Variants in GET4 observed in about 807,000 individuals in gnomAD.
GET4 encodes guided entry of tail-anchored proteins factor 4, also known as Golgi to ER traffic protein 4 homolog.
Under a neutral mutation model 40.0 loss-of-function variants are expected in GET4, and 20 were observed. The ratio of observed to expected loss-of-function variants is 0.50; its 90% CI spans 0.35 to 0.73. GET4 has a LOEUF of 0.73. Among genes scored for constraint, GET4 ranks in the 30% least tolerant of loss-of-function variants. The probability of loss-of-function intolerance (pLI) is 0.01; values close to 1 mark genes in which losing one functional copy is unlikely to be tolerated. For missense variants in GET4, 557 were observed against 454.0 expected (o/e 1.23, Z -2.06); for synonymous variants, 280 against 194.6 (o/e 1.44, Z -3.65).
At chr7:882,874 A>G (rs78720345) in intron 1 of GET4, 2,695 of 152,348 alleles carry the variant, frequency 0.018, 73 homozygotes, top group East Asian at 0.15. Flanking sequence ...GGCTGAGACC[A>G]CAGCCCAGGA....
chr7:889,498 A>G lies in GET4; in HGVS notation c.467-1430A>G, dbSNP rs569701433. On this transcript the variant is annotated intron_variant, in intron 4 of 8. Coordinates refer to ENST00000265857, the MANE Select transcript of GET4 (RefSeq NM_015949.3). ...GGGGACGAGGACTCTGGCAGCCACAAAGGCAGCGGGAGGGCCCTGGAGGCT... is the reference window on the plus strand; with the variant it reads ...GGGGACGAGGACTCTGGCAGCCACAGAGGCAGCGGGAGGGCCCTGGAGGCT... Among the ~76,000 whole-genome samples the G allele has an allele frequency of 2.6e-4, 40 of 152,044 alleles. No individual in the cohort carries two copies. In the Middle Eastern group the frequency reaches 0.014, roughly 52 times the overall value.
intron 5 of GET4, 87 bp from the exon 6 acceptor site, chr7:892,191 T>C: frequency 2.8e-6 from 4 of 1,410,466 alleles, no homozygotes; most frequent in Non-Finnish European, 3.9e-6. Flanking sequence ...CGCACGAGCT[T>C]GGGAAGGACA....
chr7:892,299 A>C lies in GET4; in HGVS notation c.627A>C (p.Lys209Asn). Residue 209 changes from lysine to asparagine, a missense_variant, in exon 6 of 9, where the codon AAA (lysine) becomes AAC (asparagine). Coordinates refer to ENST00000265857, the MANE Select transcript of GET4 (RefSeq NM_015949.3). ...AVLQFLCLKN[K>N]SSASVVFTTY... ...CCAGGTTTCTCTGTTTAAAAAACAA[A>C]AGTAGCGCATCGGTGGTCTTCACGA... 1 of 1,589,022 alleles carries C rather than the reference A, an allele frequency of 6.3e-7. No homozygotes were observed. Among genetic ancestry groups the C allele is most frequent in the Non-Finnish European group, 8.6e-7 (1 of 1,158,858 alleles).
At chr7:891,189 A>T in intron 5 of GET4, 123 bp downstream of exon 5, 2 of 694,502 alleles carry the variant, frequency 2.9e-6, no homozygotes, top group Non-Finnish European at 4.8e-6. Context: ...CACTCTGGGC[A>T]GAGCCCACAG....
rs1844137731 is a variant in GET4, at chr7:883,998, CA to C, written c.156-2055del. ...AGGGAGCCGGCTGCAAGGCGCAGTC[CA>C]AACCAGGCCGGGGGCCGTGACCATC... On this transcript the variant is annotated intron_variant, in intron 1 of 8. Transcript: ENST00000265857. 4 of 1,126,556 alleles carry C rather than the reference CA, an allele frequency of 3.6e-6. No homozygotes were observed. The South Asian group carries it at 7.9e-5, about 22-fold the overall frequency. The allele number at this position is 1,126,556 out of a possible 1,614,324, so 69.8% of individuals were successfully genotyped here.
At chr7:894,940 C>A (rs1436094773) in intron 8 of GET4, among the ~76,000 whole-genome samples, 1 of 152,160 alleles carries the variant, frequency 6.6e-6, no homozygotes, top group Admixed American at 6.5e-5. Flanking sequence ...CTGTAGGGCG[C>A]AGTGTGCTCT....
rs1214625896 is a variant in GET4 at position 893,891 on chromosome 7, C to G, written c.823-8C>G. On this transcript the variant is annotated splice_region_variant and splice_polypyrimidine_tract_variant and intron_variant, in intron 7 of 8. Coordinates refer to ENST00000265857, the MANE Select transcript of GET4 (RefSeq NM_015949.3). ...ACCCCCTCTGAGCCCGCTGCCTGTG[C>G]CTTGCAGTACCTCGACCGCATAGGA... 25 of 1,612,216 alleles carry G rather than the reference C, an allele frequency of 1.6e-5. No individual in the cohort carries two copies. The highest frequency in any genetic ancestry group is 1.7e-4 in the Middle Eastern group (1 of 5,984).
chr7:877,173 G>A (rs1403525344), intron 1 of GET4, among the ~76,000 whole-genome samples: 1 of 147,598 alleles, frequency 6.8e-6, no homozygotes, highest in Non-Finnish European at 1.5e-5. Flanking sequence ...GTCTCTCTCC[G>A]GCCGCCTCCC....
At chr7:887,551 C>G (rs748661727) in intron 4 of GET4, 32 bp downstream of exon 4, 3 of 1,474,080 alleles carry the variant, frequency 2.0e-6, no homozygotes, top group Middle Eastern at 2.0e-4. Context: ...GCGTGGGCAC[C>G]TCTCTGCTCT....
In GET4 at chr7:886,303, A is replaced by T. The variant is rs566277143; in HGVS notation, c.234+169A>T. ...GAGTCCCCCCTGGCTTGGCTGCTCC[A>T]CTCTCAAGACTGGGGCTCTGCGCTG... On this transcript the variant is annotated intron_variant, in intron 2 of 8. Coordinates refer to ENST00000265857, the MANE Select transcript of GET4 (RefSeq NM_015949.3). 1.6e-5 allele frequency: 10 copies of T among 614,772 alleles called. No individual in the cohort carries two copies. The African/African-American group carries it at 1.9e-4, about 11-fold the overall frequency. The allele number at this position is 614,772 out of a possible 1,614,324, so 38.1% of individuals were successfully genotyped here. A position where few individuals can be genotyped will look rare whatever the true frequency, so the allele number is the denominator to read the frequency against.
chr7:886,419 TC>T, intron 2 of GET4, 149 bp from the exon 3 acceptor site: 1 of 656,054 alleles, frequency 1.5e-6, no homozygotes, highest in Non-Finnish European at 2.7e-6. Flanking sequence ...GCTCTCTTTT[TC>T]GGCGGCATTG....
At chr7:883,420 C>G in intron 1 of GET4, 1 of 720,012 alleles carries the variant, frequency 1.4e-6, no homozygotes, top group South Asian at 6.2e-5. Context: ...TCATTTGACA[C>G]CGACAGTCTC....
rs561663612 is a variant in GET4 at position 895,526 on chromosome 7, G to A, written c.*104G>A. 5.2e-6 allele frequency: 3 copies of A among 576,364 alleles called. No individual in the cohort carries two copies. Among genetic ancestry groups the A allele is most frequent in the Admixed American group, 3.3e-5 (1 of 30,742 alleles). 35.7% of individuals were successfully genotyped at this position (576,364 alleles called of 1,614,324 possible). Reference sequence around the variant, plus strand: ...CGCCTTGGGGGCTCCTGGCCCTGAGGCTGGCGGTGGCCGCATGCCGGCGCG... The same window carrying A: ...CGCCTTGGGGGCTCCTGGCCCTGAGACTGGCGGTGGCCGCATGCCGGCGCG... On this transcript the variant is annotated 3_prime_UTR_variant, in exon 9 of 9. Coordinates refer to ENST00000265857, the MANE Select transcript of GET4 (RefSeq NM_015949.3).
At position 895,901 on chromosome 7, in the gene GET4, G is replaced by C. The variant is rs906719317; in HGVS notation, c.*479G>C. 1 of 152,596 alleles carries C rather than the reference G, an allele frequency of 6.6e-6. No homozygotes were observed. Among genetic ancestry groups the C allele is most frequent in the Non-Finnish European group, 1.5e-5 (1 of 68,270 alleles). The allele number at this position is 152,596 out of a possible 1,614,324, so 9.5% of individuals were successfully genotyped here. ...TGGGAGCGGCTGTTTTTGAACACGGGGTCATTCTGCAGTCAGGACGAACCG... is the reference window on the plus strand; with the variant it reads ...TGGGAGCGGCTGTTTTTGAACACGGCGTCATTCTGCAGTCAGGACGAACCG... On this transcript the variant is annotated 3_prime_UTR_variant, in exon 9 of 9. Transcript: ENST00000265857.
chr7:886,120 T>C lies in GET4; in HGVS notation c.220T>C (p.Phe74Leu). ...CATGTACTCGGGAGCCCTGCTCTTC[T>C]TCAGCCATGGCCAGGTAAGCCGTCT... ...ELMYSGALLF[F>L]SHGQQNSAAD... Residue 74 changes from phenylalanine (F) to leucine (L), a missense_variant, in exon 2 of 9, where the codon TTC becomes CTC. Physicochemically the swap from Phe to Leu is conservative, Grantham distance 22. Transcript: ENST00000265857. 6.2e-7 allele frequency: 1 copy of C among 1,606,606 alleles called. No individual in the cohort carries two copies. Among genetic ancestry groups the C allele is most frequent in the Non-Finnish European group, 8.5e-7 (1 of 1,174,040 alleles).
At position 894,578 on chromosome 7, in the gene GET4, G is replaced by A. The variant is rs570999925; in HGVS notation, c.895+607G>A. Among the ~76,000 whole-genome samples, 22 of 152,044 alleles carry A rather than the reference G, an allele frequency of 1.4e-4. 1 individual carries two copies. Among genetic ancestry groups the A allele is most frequent in the South Asian group, 1.0e-3 (5 of 4,810 alleles). On this transcript the variant is annotated intron_variant, in intron 8 of 8. Transcript: ENST00000265857. ...CCCCCCAGACACCCTGGCCCTCACC[G>A]TGCCCCGTGACACAGGCACCTCCAC...
chr7:878,042 C>G (rs1302258254), intron 1 of GET4: 3 of 271,918 alleles, frequency 1.1e-5, no homozygotes, highest in South Asian at 3.3e-5. Context: ...GTTCCTCTCA[C>G]CGAGGGTCCA....
Position 883,453 on chromosome 7 carries a change from G to A in GET4, c.156-2603G>A, listed in dbSNP as rs548420982. 1.3e-5 allele frequency: 12 copies of A among 956,256 alleles called. No homozygotes were observed. The Admixed American group carries it at 1.8e-4, about 15-fold the overall frequency. The allele number at this position is 956,256 out of a possible 1,614,324, so 59.2% of individuals were successfully genotyped here. On this transcript the variant is annotated intron_variant, in intron 1 of 8. Transcript: ENST00000265857. ...CTCGGCCACTAGTTCTAATGCTTGC[G>A]TTTCTGTGTTCTGCTTTTTAATGTT...
intron 1 of GET4, chr7:884,467 C>G: frequency 2.4e-6 from 2 of 848,028 alleles, no homozygotes; most frequent in African/African-American, 3.6e-5. Flanking sequence ...GGCCTGCAGG[C>G]TGACGGGGGT....
Sources: gnomAD v4.1 joint callset for allele counts (sites outside exome capture counted in the v4.1 genomes callset) on GRCh38, gnomAD v4.1.1 for gene constraint, MANE v1.5 for transcripts, NCBI Gene and HGNC (gene_info 2026-07-23, HGNC 2026-07-21) for gene names.